Variants in DDAH1 observed in about 807,000 individuals in gnomAD.
DDAH1 encodes the protein dimethylarginine dimethylaminohydrolase 1.
Under a neutral mutation model 28.8 loss-of-function variants are expected in DDAH1, and 19 were observed. That is an observed-to-expected ratio of 0.66 (90% CI 0.46 to 0.97). DDAH1 has a LOEUF of 0.97. DDAH1 is among the 50% of genes least tolerant of loss of function. The probability of loss-of-function intolerance (pLI) is 0.00; values close to 1 mark genes in which losing one functional copy is unlikely to be tolerated. For synonymous variants in DDAH1, 153 were observed against 154.4 expected, an observed-to-expected ratio of 0.99 and a Z score of 0.07; for missense variants, 326 against 375.9, an observed-to-expected ratio of 0.87 and a Z score of 1.10.
chr1:85,361,512 A>C (rs1649795307), intron 1 of DDAH1, among the ~76,000 whole-genome samples: 1 of 152,230 alleles, frequency 6.6e-6, no homozygotes, highest in African/African-American at 2.4e-5. Context: ...TGAATGGGTC[A>C]TTTTAGCCCA....
intron 1 of DDAH1, among the ~76,000 whole-genome samples, chr1:85,423,061 T>C (rs993260634): frequency 1.3e-5 from 2 of 152,198 alleles, no homozygotes; most frequent in African/African-American, 4.8e-5. Flanking sequence ...TTTTAATCCT[T>C]GTCAAAGATA....
chr1:85,414,899 T>C (rs1054042573), intron 1 of DDAH1, among the ~76,000 whole-genome samples: 1 of 149,986 alleles, frequency 6.7e-6, no homozygotes, highest in Non-Finnish European at 1.5e-5. Flanking sequence ...GAAAGAAAAA[T>C]GAAAACCACA....
intron 1 of DDAH1, among the ~76,000 whole-genome samples, chr1:85,570,813 G>A (rs1659433517): frequency 6.6e-6 from 1 of 152,024 alleles, no homozygotes; most frequent in Admixed American, 6.6e-5. Flanking sequence ...CTTCAAATCA[G>A]TGCACCTGAA....
At chr1:85,426,894 G>A (rs940178806) in intron 1 of DDAH1, among the ~76,000 whole-genome samples, 1 of 127,540 alleles carries the variant, frequency 7.8e-6, no homozygotes, top group Non-Finnish European at 1.6e-5. Flanking sequence ...CTGGGCAACA[G>A]AGTGAGACTC....
chr1:85,433,932 A>C (rs1653816835), intron 1 of DDAH1, among the ~76,000 whole-genome samples: 1 of 152,158 alleles, frequency 6.6e-6, no homozygotes, highest in Non-Finnish European at 1.5e-5. Flanking sequence ...TCTTCAGGTA[A>C]TTATTTATGT....
intron 1 of DDAH1, among the ~76,000 whole-genome samples, chr1:85,443,741 G>C (rs1654308775): frequency 6.6e-6 from 1 of 152,188 alleles, no homozygotes; most frequent in Admixed American, 6.5e-5. Flanking sequence ...TCCCTTGTAA[G>C]TTGGATTCCT....
chr1:85,576,476 C>T (rs1377832482), intron 1 of DDAH1, among the ~76,000 whole-genome samples: 2 of 152,306 alleles, frequency 1.3e-5, no homozygotes, highest in Admixed American at 1.3e-4. Context: ...CGAGAGCCAG[C>T]TTTACCATGT....
intron 1 of DDAH1, among the ~76,000 whole-genome samples, chr1:85,454,534 A>G (rs1160256111): frequency 2.6e-5 from 4 of 152,212 alleles, no homozygotes; most frequent in African/African-American, 9.7e-5. Context: ...TCCAGTTGAA[A>G]GGGGATGCGG....
At chr1:85,475,565 G>C (rs1389125515) in intron 2 of DDAH1, among the ~76,000 whole-genome samples, 2 of 152,052 alleles carry the variant, frequency 1.3e-5, no homozygotes, top group African/African-American at 4.8e-5. Flanking sequence ...AATAATTCAG[G>C]TTACTTAATT....
intron 1 of DDAH1, among the ~76,000 whole-genome samples, chr1:85,545,785 AGAGG>A (rs927739145): frequency 6.6e-6 from 1 of 152,106 alleles, no homozygotes; most frequent in African/African-American, 2.4e-5. Context: ...GAGGAGATGC[AGAGG>A]GAGGAGGGGG....
chr1:85,558,818 G>A lies in DDAH1; in HGVS notation c.-123+19166C>T, dbSNP rs191409516. Among the ~76,000 whole-genome samples, 1,104 of 149,428 alleles carry A rather than the reference G, an allele frequency of 7.4e-3. 16 individuals carry two copies. Among genetic ancestry groups the A allele is most frequent in the African/African-American group, 0.026 (1,053 of 41,244 alleles). On this transcript the variant is annotated intron_variant, in intron 1 of 6. Coordinates refer to the DDAH1 transcript ENST00000426972. ...TACATATTATCTTTATGTCAAAATG[G>A]GATCTTGATGTACATAGAATTTTTT...
chr1:85,536,078 T>C (rs1337213567), intron 1 of DDAH1, among the ~76,000 whole-genome samples: 4 of 151,292 alleles, frequency 2.6e-5, no homozygotes, highest in African/African-American at 4.9e-5. Flanking sequence ...CTGGGCAACA[T>C]GGCGAAACCT....
chr1:85,454,339 T>C (rs941002124), intron 1 of DDAH1, among the ~76,000 whole-genome samples: 2 of 152,136 alleles, frequency 1.3e-5, no homozygotes, highest in African/African-American at 4.8e-5. Context: ...TCATCACTAG[T>C]TTGCTGAATG....
intron 1 of DDAH1, among the ~76,000 whole-genome samples, chr1:85,364,108 G>A (rs1175653387): frequency 1.3e-5 from 2 of 152,044 alleles, no homozygotes; most frequent in Non-Finnish European, 2.9e-5. Context: ...TTATATATGA[G>A]TAAACTGAGG....
chr1:85,408,267 T>C (rs12123722), intron 1 of DDAH1, among the ~76,000 whole-genome samples: 6,955 of 150,846 alleles, frequency 0.046, 265 homozygotes, highest in South Asian at 0.19. Flanking sequence ...TTCCTCATCT[T>C]TCCCCTTACC....
At chr1:85,440,808 CA>C (rs532077059) in intron 1 of DDAH1, among the ~76,000 whole-genome samples, 4 of 139,344 alleles carry the variant, frequency 2.9e-5, no homozygotes, top group East Asian at 2.7e-4. Flanking sequence ...GGGCAGGGCC[CA>C]AAAAAAACTG....
intron 2 of DDAH1, among the ~76,000 whole-genome samples, chr1:85,480,510 T>C (rs1146392): frequency 0.77 from 117,698 of 152,026 alleles, 47,240 homozygotes; most frequent in South Asian, 0.97. Flanking sequence ...TTTGGGAGGC[T>C]GAAGCTGGCG....
chr1:85,357,597 T>C (rs1328416167), intron 2 of DDAH1, among the ~76,000 whole-genome samples: 1 of 152,198 alleles, frequency 6.6e-6, no homozygotes, highest in Non-Finnish European at 1.5e-5. Context: ...AGCCAAAATA[T>C]TAGACTTCCA....
chr1:85,532,743 A>T (rs1570649575), intron 1 of DDAH1, among the ~76,000 whole-genome samples: 1 of 152,166 alleles, frequency 6.6e-6, no homozygotes, highest in African/African-American at 2.4e-5. Context: ...TCTGGGGTTC[A>T]CAGAGCAAAG....
Sources: allele counts gnomAD v4.1 joint callset (sites outside exome capture counted in the v4.1 genomes callset), GRCh38; gene constraint gnomAD v4.1.1; transcripts MANE v1.5; gene names NCBI Gene and HGNC (gene_info 2026-07-23, HGNC 2026-07-21).